The following PGAP2 variants were observed in gnomAD, a reference collection of about 807,000 sequenced individuals.
The protein encoded by PGAP2 is post-GPI attachment to proteins 2.
In PGAP2, 21 loss-of-function variants were observed where a neutral mutation model predicts 33.2. The ratio of observed to expected loss-of-function variants is 0.63; its 90% CI spans 0.45 to 0.91. PGAP2 has a LOEUF of 0.91. Among genes scored for constraint, PGAP2 ranks in the 40% least tolerant of loss-of-function variants. The probability of loss-of-function intolerance (pLI) is 0.00; values close to 1 mark genes in which losing one functional copy is unlikely to be tolerated. For synonymous variants in PGAP2, 161 were observed against 172.9 expected, an observed-to-expected ratio of 0.93 and a Z score of 0.54; for missense variants, 345 against 424.0, an observed-to-expected ratio of 0.81 and a Z score of 1.64.
rs2085543823 is a variant in PGAP2, at chr11:3,811,445, T to C, written c.165+21T>C. ...GTGGGGTAGGGCATGGGGACACTGA[T>C]ACCTCATATTCAGGCCGATCTGGAT... On this transcript the variant is annotated intron_variant, in intron 2 of 6. Coordinates refer to ENST00000278243, the MANE Select transcript of PGAP2 (RefSeq NM_014489.4). The surrounding 1 kb of genome is among the most constrained non-coding windows in gnomAD (Gnocchi z 4.6). The C allele has an allele frequency of 5.0e-6, 8 of 1,607,132 alleles. No individual in the cohort carries two copies. Among genetic ancestry groups the C allele is most frequent in the Non-Finnish European group, 6.8e-6 (8 of 1,175,190 alleles).
chr11:3,814,685 T>A (rs980308043), intron 2 of PGAP2, among the ~76,000 whole-genome samples: 4 of 151,914 alleles, frequency 2.6e-5, no homozygotes, highest in African/African-American at 9.7e-5. Flanking sequence ...AGTGCTAGGA[T>A]TACAGGCTTG....
At chr11:3,797,864 C>G in exon 1 of PGAP2, 1 of 1,550,352 alleles carries the variant, frequency 6.5e-7, no homozygotes, top group South Asian at 1.2e-5. Context: ...TGGGAAGCAC[C>G]GGCGGGGTGT....
upstream of PGAP2, chr11:3,797,795 C>A: frequency 6.5e-7 from 1 of 1,542,124 alleles, no homozygotes. Context: ...CCGCGGTTGG[C>A]GGGAGCGTGT....
At chr11:3,808,732 C>A (rs2084936990) in intron 1 of PGAP2, 81 bp downstream of exon 1, 2 of 703,320 alleles carry the variant, frequency 2.8e-6, no homozygotes, top group Non-Finnish European at 3.6e-6. Flanking sequence ...TCTGCAGGGC[C>A]GGGCCCCACG....
upstream of PGAP2, chr11:3,808,312 A>C: frequency 6.4e-7 from 1 of 1,551,540 alleles, no homozygotes; most frequent in Non-Finnish European, 8.7e-7. Flanking sequence ...AACGCAGCTG[A>C]GAGGTAAGGC....
At chr11:3,823,610 C>G (rs1441634926) in intron 3 of PGAP2, 24 of 1,536,218 alleles carry the variant, frequency 1.6e-5, no homozygotes, top group African/African-American at 9.6e-5. Flanking sequence ...TGACCAAACA[C>G]AGGCAGGTTC....
intron 3 of PGAP2, among the ~76,000 whole-genome samples, chr11:3,822,006 C>G (rs537055662): frequency 6.6e-6 from 1 of 151,954 alleles, no homozygotes; most frequent in Non-Finnish European, 1.5e-5. Flanking sequence ...TGCAGTGAGC[C>G]GAGATCGGGC....
At chr11:3,798,672 TCTC>T (rs2082969912) in intron 1 of PGAP2, among the ~76,000 whole-genome samples, 1 of 127,988 alleles carries the variant, frequency 7.8e-6, no homozygotes, top group Non-Finnish European at 1.6e-5. Context: ...TCTTGCTCTG[TCTC>T]CTCTTTCTCC....
Position 3,817,505 on chromosome 11 carries a change from C to G in PGAP2, c.318C>G (p.His106Gln). 6.2e-7 allele frequency: 1 copy of G among 1,614,168 alleles called. No individual in the cohort carries two copies. ...FFCIIWSLVF[H>Q]FEYTVATDCG... Reference sequence around the variant, plus strand: ...GCATCATCTGGTCCCTGGTGTTCCACTTTGAGTACACGGTGGCCACTGACT... The same window carrying G: ...GCATCATCTGGTCCCTGGTGTTCCAGTTTGAGTACACGGTGGCCACTGACT... The change falls in exon 3 of 7, where the codon CAC (histidine) becomes CAG (glutamine). Residue 106 changes from histidine (H) to glutamine (Q), a missense_variant. Around this residue, in one of 2 missense-constraint regions of PGAP2, gnomAD observed 311 missense variants for 353.6 expected, o/e 0.88. Coordinates refer to ENST00000278243, the MANE Select transcript of PGAP2 (RefSeq NM_014489.4).
upstream of PGAP2, among the ~76,000 whole-genome samples, chr11:3,805,681 C>T (rs1244687825): frequency 6.6e-6 from 1 of 150,866 alleles, no homozygotes; most frequent in African/African-American, 2.4e-5. Context: ...CCAGCCTGGG[C>T]AAGACAGTGA....
chr11:3,798,182 C>G lies in PGAP2; in HGVS notation c.139+200C>G, dbSNP rs111737945. 6.7e-6 allele frequency: 9 copies of G among 1,333,362 alleles called. No homozygotes were observed. The African/African-American group carries it at 7.7e-5, about 11-fold the overall frequency. 82.6% of individuals were successfully genotyped at this position (1,333,362 alleles called of 1,614,324 possible). On this transcript the variant is annotated intron_variant, in intron 1 of 6. Coordinates refer to the PGAP2 transcript ENST00000300730. The stretch of plus-strand genomic sequence containing the variant: ...TATTCTCTCCTGACCCATGCTCGCC[C>G]CAGCACTTTCTTTCCCTCCCTGAAT...
upstream of PGAP2, chr11:3,808,253 A>T (rs961839847): frequency 7.7e-6 from 12 of 1,550,464 alleles, 1 homozygote; most frequent in Non-Finnish European, 1.0e-5. Context: ...ATGAGAAAGA[A>T]ATCCGGCCCC....
chr11:3,797,860 G>A (rs2082769377), exon 1 of PGAP2: 2 of 1,550,422 alleles, frequency 1.3e-6, no homozygotes, highest in Non-Finnish European at 1.7e-6. Flanking sequence ...AGATTGGGAA[G>A]CACCGGCGGG....
intron 3 of PGAP2, among the ~76,000 whole-genome samples, chr11:3,821,517 G>C (rs1379897767): frequency 1.3e-5 from 2 of 151,860 alleles, no homozygotes; most frequent in Non-Finnish European, 2.9e-5. Context: ...CAGCACTTTG[G>C]GAGGCCGAGG....
At chr11:3,824,642 T>C (rs1021680384) in intron 5 of PGAP2, 2 of 702,762 alleles carry the variant, frequency 2.8e-6, no homozygotes, top group Non-Finnish European at 4.7e-6. Context: ...AGGAGTCGCA[T>C]CTAGGCGGCA....
chr11:3,820,913 A>G (rs2088459598), intron 3 of PGAP2, among the ~76,000 whole-genome samples: 1 of 152,234 alleles, frequency 6.6e-6, no homozygotes, highest in African/African-American at 2.4e-5. Context: ...TGGAGCTCAG[A>G]GAGGTGAAGT....
At chr11:3,807,693 C>T (rs931009521), upstream of PGAP2, among the ~76,000 whole-genome samples, 1 of 152,118 alleles carries the variant, frequency 6.6e-6, no homozygotes, top group Non-Finnish European at 1.5e-5. Context: ...TGTGTTATTG[C>T]TGTGAGGATT....
At chr11:3,797,868 G>A (rs925186703) in exon 1 of PGAP2, 37 of 1,550,258 alleles carry the variant, frequency 2.4e-5, no homozygotes, top group Admixed American at 2.0e-5. Context: ...AAGCACCGGC[G>A]GGGTGTCGGG....
At chr11:3,804,722 G>A (rs2084022978), upstream of PGAP2, among the ~76,000 whole-genome samples, 1 of 151,740 alleles carries the variant, frequency 6.6e-6, no homozygotes, top group Non-Finnish European at 1.5e-5. Context: ...ATTTTTTTGA[G>A]GTGGAGTCTC....
Sources: gnomAD v4.1 joint callset for allele counts (sites outside exome capture counted in the v4.1 genomes callset) on GRCh38, gnomAD v4.1.1 for gene constraint, gnomAD v4.1.1 regional missense constraint, Gnocchi (gnomAD v3.1) non-coding constraint, MANE v1.5 for transcripts, NCBI Gene and HGNC (gene_info 2026-07-23, HGNC 2026-07-21) for gene names.